CCSER1: variants seen among roughly 807,000 people sequenced by gnomAD.
CCSER1 encodes the protein serine-rich coiled-coil domain-containing protein 1.
In CCSER1, 41 loss-of-function variants were observed where a neutral mutation model predicts 82.0. The observed-to-expected ratio is 0.50, with a 90% CI of 0.39 to 0.65. The LOEUF is 0.65. CCSER1 is among the 30% of genes least tolerant of loss of function. The pLI, the probability that CCSER1 is intolerant of heterozygous loss-of-function variation, is 0.00. For synonymous variants in CCSER1, 414 were observed against 383.9 expected, an observed-to-expected ratio of 1.08 and a Z score of -0.92; for missense variants, 1,119 against 1,064.2, an observed-to-expected ratio of 1.05 and a Z score of -0.72.
Position 90,333,846 on chromosome 4 carries a change from AT to A in CCSER1, c.1509+20800del, listed in dbSNP as rs563844140. Among the ~76,000 whole-genome samples, 18 of 152,310 alleles carry A rather than the reference AT, an allele frequency of 1.2e-4. No homozygotes were observed. The East Asian group carries it at 3.5e-3, about 29-fold the overall frequency. Reference sequence around the variant, plus strand: ...GTAATATTGGAAAGTTGGATACAAAATCGGTTCAGGTCCTGCAGGACAATTA... The same window carrying A: ...GTAATATTGGAAAGTTGGATACAAAACGGTTCAGGTCCTGCAGGACAATTA... On this transcript the variant is annotated intron_variant, in intron 3 of 10. Transcript: ENST00000509176.
At chr4:90,989,506 T>C (rs531625122) in intron 9 of CCSER1, among the ~76,000 whole-genome samples, 7 of 151,852 alleles carry the variant, frequency 4.6e-5, no homozygotes, top group South Asian at 2.1e-4. Flanking sequence ...CTATCTGAGA[T>C]AGCTTCTGAG....
chr4:90,488,908 G>A (rs1767539038), intron 5 of CCSER1, among the ~76,000 whole-genome samples: 1 of 152,172 alleles, frequency 6.6e-6, no homozygotes, highest in Non-Finnish European at 1.5e-5. Context: ...GGCATGTCAG[G>A]AGAGGTTTGA....
At chr4:90,916,316 A>G (rs1370621958) in intron 8 of CCSER1, among the ~76,000 whole-genome samples, 4 of 152,198 alleles carry the variant, frequency 2.6e-5, no homozygotes, top group Non-Finnish European at 5.9e-5. Context: ...CAAAACAGAG[A>G]TATAGACCAA....
chr4:90,134,692 A>G (rs1427950078), intron 1 of CCSER1, among the ~76,000 whole-genome samples: 1 of 152,234 alleles, frequency 6.6e-6, no homozygotes. Context: ...GAGCTTATGC[A>G]CAAGTTATGA....
chr4:90,345,799 C>T (rs751678575), intron 3 of CCSER1, among the ~76,000 whole-genome samples: 1 of 152,052 alleles, frequency 6.6e-6, no homozygotes, highest in Non-Finnish European at 1.5e-5. Context: ...TCTTCTAAAC[C>T]ATATTTTAGA....
At chr4:91,374,983 A>G (rs930493910) in intron 10 of CCSER1, among the ~76,000 whole-genome samples, 24 of 152,234 alleles carry the variant, frequency 1.6e-4, no homozygotes, top group African/African-American at 5.5e-4. Context: ...TGGGAGAGAG[A>G]GTCTTGCTCT....
chr4:90,893,592 T>C (rs1465044274), intron 8 of CCSER1, among the ~76,000 whole-genome samples: 1 of 152,078 alleles, frequency 6.6e-6, no homozygotes, highest in East Asian at 1.9e-4. Flanking sequence ...TGGCCACCCA[T>C]TCACTCTTCA....
intron 1 of CCSER1, among the ~76,000 whole-genome samples, chr4:90,241,985 A>G (rs1746943228): frequency 6.6e-6 from 1 of 152,156 alleles, no homozygotes. Flanking sequence ...AGATCTGTGA[A>G]TGAATTTACC....
intron 9 of CCSER1, among the ~76,000 whole-genome samples, chr4:91,042,635 C>T (rs1417455875): frequency 2.0e-5 from 3 of 152,122 alleles, no homozygotes; most frequent in Admixed American, 6.6e-5. Flanking sequence ...TGTGTTGCTA[C>T]GTTAGTAAAT....
chr4:90,831,971 T>A (rs956828110), intron 8 of CCSER1, among the ~76,000 whole-genome samples: 1 of 152,060 alleles, frequency 6.6e-6, no homozygotes, highest in African/African-American at 2.4e-5. Flanking sequence ...TAATTGTATA[T>A]CACATATATC....
At chr4:91,141,862 T>C (rs771960751) in intron 10 of CCSER1, among the ~76,000 whole-genome samples, 3 of 152,162 alleles carry the variant, frequency 2.0e-5, no homozygotes, top group Non-Finnish European at 4.4e-5. Flanking sequence ...TTGCATTTAT[T>C]TGATTAGAGA....
At chr4:91,564,372 C>T (rs75544398) in intron 10 of CCSER1, among the ~76,000 whole-genome samples, 10,569 of 151,786 alleles carry the variant, frequency 0.07, 410 homozygotes, top group African/African-American at 0.099. Context: ...CATGTGTCAT[C>T]ATAGTAGAAT....
At chr4:90,344,390 ACTT>A (rs1741957201) in intron 3 of CCSER1, among the ~76,000 whole-genome samples, 1 of 152,056 alleles carries the variant, frequency 6.6e-6, no homozygotes, top group Non-Finnish European at 1.5e-5. Flanking sequence ...TTCTTATTAT[ACTT>A]CTTATCACAC....
intron 1 of CCSER1, among the ~76,000 whole-genome samples, chr4:90,253,962 C>T (rs1224494879): frequency 6.6e-6 from 1 of 152,140 alleles, no homozygotes; most frequent in East Asian, 1.9e-4. Context: ...GCTCTACAGT[C>T]TGATCCAATT....
At chr4:90,321,499 A>G (rs1022116387) in intron 3 of CCSER1, among the ~76,000 whole-genome samples, 3 of 152,108 alleles carry the variant, frequency 2.0e-5, no homozygotes, top group Admixed American at 1.3e-4. Context: ...TGTCCTGGCT[A>G]TTGTGAATAG....
chr4:90,870,434 C>A (rs28768986), intron 8 of CCSER1, among the ~76,000 whole-genome samples: 2 of 151,452 alleles, frequency 1.3e-5, no homozygotes, highest in Non-Finnish European at 3.0e-5. Context: ...ATTCTTTTTC[C>A]GTGTCAGTTG....
intron 10 of CCSER1, among the ~76,000 whole-genome samples, chr4:91,147,528 A>T (rs1729665664): frequency 6.6e-6 from 1 of 152,156 alleles, no homozygotes; most frequent in Non-Finnish European, 1.5e-5. Context: ...CATTCTTGTC[A>T]GTTTTCTGAT....
At chr4:90,418,147 C>T (rs915204952) in intron 4 of CCSER1, among the ~76,000 whole-genome samples, 29 of 151,866 alleles carry the variant, frequency 1.9e-4, no homozygotes, top group African/African-American at 6.8e-4. Flanking sequence ...AAAATGGGCG[C>T]GATGATGTAT....
intron 9 of CCSER1, among the ~76,000 whole-genome samples, chr4:91,006,564 A>G (rs1305260865): frequency 6.7e-6 from 1 of 149,192 alleles, no homozygotes; most frequent in Non-Finnish European, 1.5e-5. Flanking sequence ...ATCTCGGCTC[A>G]CTGCAAGCTC....
Sources: allele counts gnomAD v4.1 joint callset (sites outside exome capture counted in the v4.1 genomes callset), GRCh38; gene constraint gnomAD v4.1.1; transcripts MANE v1.5; gene names NCBI Gene and HGNC (gene_info 2026-07-23, HGNC 2026-07-21).